The following TSPAN5 variants were observed in gnomAD, a reference collection of about 807,000 sequenced individuals.
TSPAN5 encodes the protein tetraspanin 5.
In TSPAN5, 10 loss-of-function variants were observed where a neutral mutation model predicts 37.1. The observed-to-expected ratio is 0.27, with a 90% CI of 0.17 to 0.46. The LOEUF (loss-of-function observed/expected upper bound fraction) is 0.46, where lower values mean the gene tolerates loss of function less well. Ranked by LOEUF, TSPAN5 falls within the 20% of genes least tolerant of loss-of-function variation. TSPAN5 has a pLI of 1.00. For synonymous variants in TSPAN5, 110 were observed against 118.9 expected, an observed-to-expected ratio of 0.93 and a Z score of 0.48; for missense variants, 195 against 326.6, an observed-to-expected ratio of 0.60 and a Z score of 3.11.
intron 4 of TSPAN5, 46 bp downstream of exon 4, chr4:98,481,959 T>C (rs754025902): frequency 6.3e-7 from 1 of 1,594,004 alleles, no homozygotes; most frequent in Non-Finnish European, 8.6e-7. Flanking sequence ...ACTGGGGTCA[T>C]CGTTCAGAGA....
At chr4:98,486,974 C>A (rs1752975956) in intron 2 of TSPAN5, 90 bp from the exon 3 acceptor site, 5 of 1,421,180 alleles carry the variant, frequency 3.5e-6, no homozygotes, top group Non-Finnish European at 4.8e-6. Context: ...CCTTTCCCCT[C>A]CCAAAGAAAA....
chr4:98,543,178 T>C (rs1009925417), intron 1 of TSPAN5, among the ~76,000 whole-genome samples: 2 of 145,272 alleles, frequency 1.4e-5, no homozygotes, highest in African/African-American at 2.4e-5. Flanking sequence ...CACACCCTCA[T>C]CATTTTCATT....
chr4:98,575,167 C>T (rs1446274252), intron 1 of TSPAN5, among the ~76,000 whole-genome samples: 2 of 152,018 alleles, frequency 1.3e-5, no homozygotes, highest in Non-Finnish European at 2.9e-5. Context: ...AAAGTACAAA[C>T]TCAACATGAA....
intron 1 of TSPAN5, among the ~76,000 whole-genome samples, chr4:98,633,833 A>G (rs1756797759): frequency 6.6e-6 from 1 of 152,178 alleles, no homozygotes; most frequent in Non-Finnish European, 1.5e-5. Context: ...TAATACCAGC[A>G]GTTTGGGAGG....
intron 1 of TSPAN5, among the ~76,000 whole-genome samples, chr4:98,626,886 G>GTTTTTTT (rs34770397): frequency 2.0e-4 from 17 of 83,476 alleles, no homozygotes; most frequent in African/African-American, 2.5e-4. Flanking sequence ...ATGAGAGCAG[G>GTTTTTTT]TTTTTTTTTT....
intron 1 of TSPAN5, among the ~76,000 whole-genome samples, chr4:98,601,518 T>C (rs1184851335): frequency 6.6e-6 from 1 of 152,260 alleles, no homozygotes; most frequent in Non-Finnish European, 1.5e-5. Flanking sequence ...CAACTTTGGC[T>C]AGACTCCGGC....
At chr4:98,648,467 T>C (rs975683994) in intron 1 of TSPAN5, among the ~76,000 whole-genome samples, 6 of 152,214 alleles carry the variant, frequency 3.9e-5, no homozygotes, top group Admixed American at 3.9e-4. Flanking sequence ...ACCAGAAGTC[T>C]AGCTCTTCAC....
chr4:98,507,822 C>A (rs1318125731), intron 1 of TSPAN5, 94 bp from the exon 2 acceptor site: 1 of 876,366 alleles, frequency 1.1e-6, no homozygotes, highest in Admixed American at 2.4e-5. Context: ...CTTTACCTGG[C>A]TGGGAAATAG....
At chr4:98,556,161 G>A (rs1161323082) in intron 1 of TSPAN5, among the ~76,000 whole-genome samples, 1 of 151,962 alleles carries the variant, frequency 6.6e-6, no homozygotes, top group Non-Finnish European at 1.5e-5. Context: ...GGCCCCAGAT[G>A]CAGAGACATT....
intron 1 of TSPAN5, among the ~76,000 whole-genome samples, chr4:98,526,759 C>T (rs1039228020): frequency 2.0e-4 from 30 of 152,070 alleles, no homozygotes; most frequent in African/African-American, 6.8e-4. Context: ...CCTTCTAGAC[C>T]ACTGTTTTTT....
At chr4:98,575,334 A>G (rs1755209586) in intron 1 of TSPAN5, among the ~76,000 whole-genome samples, 1 of 151,570 alleles carries the variant, frequency 6.6e-6, no homozygotes, top group South Asian at 2.1e-4. Context: ...ATTTGAGCAC[A>G]TAGTATATCT....
chr4:98,599,546 T>G (rs1386546709), intron 1 of TSPAN5, among the ~76,000 whole-genome samples: 1 of 152,174 alleles, frequency 6.6e-6, no homozygotes, highest in African/African-American at 2.4e-5. Context: ...ACAATCAAAA[T>G]ATACAGCATT....
rs930652846 is a variant in TSPAN5 at position 98,522,816 on chromosome 4, C to T, written c.82-15088G>A. Among the ~76,000 whole-genome samples, 10 of 152,306 alleles carry T rather than the reference C, an allele frequency of 6.6e-5. No individual in the cohort carries two copies. In the East Asian group the frequency reaches 7.7e-4, roughly 12 times the overall value. On this transcript the variant is annotated intron_variant, in intron 1 of 7. Transcript: ENST00000305798. ...GTCTGAAAACAAAAGGGCAGCCTGA[C>T]GACACCATTTAGTTATTTATTCTGT...
chr4:98,472,385 C>CTAA lies in TSPAN5; in HGVS notation c.*134_*136dup, dbSNP rs1752607754. 2 of 637,128 alleles carry CTAA rather than the reference C, an allele frequency of 3.1e-6. No individual in the cohort carries two copies. The highest frequency in any genetic ancestry group is 5.3e-6 in the Non-Finnish European group (2 of 374,758). 39.5% of individuals were successfully genotyped at this position (637,128 alleles called of 1,614,324 possible). ...CAGCATTTCCCAGTTTTACACTCCC[C>CTAA]TAATGGCAGCTCCATTAGGCGAGAC... On this transcript the variant is annotated 3_prime_UTR_variant, in exon 8 of 8. Coordinates refer to ENST00000305798, the MANE Select transcript of TSPAN5 (RefSeq NM_005723.4).
chr4:98,605,709 A>G (rs1756018168), intron 1 of TSPAN5, among the ~76,000 whole-genome samples: 1 of 152,180 alleles, frequency 6.6e-6, no homozygotes, highest in African/African-American at 2.4e-5. Context: ...GGAGGAACTA[A>G]TTTTTAATGG....
At chr4:98,532,147 G>T (rs1011699942) in intron 1 of TSPAN5, among the ~76,000 whole-genome samples, 2 of 152,192 alleles carry the variant, frequency 1.3e-5, no homozygotes, top group Non-Finnish European at 2.9e-5. Flanking sequence ...CCTATGTCCT[G>T]AATGGTACTG....
At chr4:98,541,505 T>C (rs925832112) in intron 1 of TSPAN5, among the ~76,000 whole-genome samples, 7 of 151,792 alleles carry the variant, frequency 4.6e-5, no homozygotes, top group Non-Finnish European at 8.8e-5. Flanking sequence ...AAAAACCCCA[T>C]CTGTACTAAA....
intron 4 of TSPAN5, among the ~76,000 whole-genome samples, chr4:98,479,897 T>C (rs936449877): frequency 9.2e-5 from 14 of 152,250 alleles, no homozygotes; most frequent in African/African-American, 3.4e-4. Flanking sequence ...ACAGATGTTA[T>C]GTTAAAGAAT....
At chr4:98,507,821 G>T in intron 1 of TSPAN5, 93 bp from the exon 2 acceptor site, 1 of 884,568 alleles carries the variant, frequency 1.1e-6, no homozygotes, top group East Asian at 2.5e-5. Context: ...ACTTTACCTG[G>T]CTGGGAAATA....
Sources: allele counts gnomAD v4.1 joint callset (sites outside exome capture counted in the v4.1 genomes callset), GRCh38; gene constraint gnomAD v4.1.1; transcripts MANE v1.5; gene names NCBI Gene and HGNC (gene_info 2026-07-23, HGNC 2026-07-21).